The following TMEM232 variants were observed in gnomAD, a reference collection of about 807,000 sequenced individuals.
TMEM232 encodes the protein transmembrane protein 232.
In TMEM232, 80 loss-of-function variants were observed where a neutral mutation model predicts 78.8. The ratio of observed to expected loss-of-function variants is 1.01; its 90% CI spans 0.85 to 1.22. The LOEUF is 1.22. Ranked by LOEUF, TMEM232 falls within the 50% of genes most tolerant of loss-of-function variation. The probability of loss-of-function intolerance (pLI) is 0.00; values close to 1 mark genes in which losing one functional copy is unlikely to be tolerated. For missense variants in TMEM232, 881 were observed against 742.2 expected, an observed-to-expected ratio of 1.19 and a Z score of -2.17; for synonymous variants, 297 against 254.3, an observed-to-expected ratio of 1.17 and a Z score of -1.60.
intron 6 of TMEM232, among the ~76,000 whole-genome samples, chr5:110,626,365 A>T (rs1784423816): frequency 6.6e-6 from 1 of 152,068 alleles, no homozygotes; most frequent in East Asian, 1.9e-4. Flanking sequence ...ATATAAAAAC[A>T]AGTGAAATGT....
intron 12 of TMEM232, among the ~76,000 whole-genome samples, chr5:110,437,419 C>T (rs1758560617): frequency 6.6e-6 from 1 of 151,618 alleles, no homozygotes; most frequent in South Asian, 2.1e-4. Context: ...TTATGAAAGG[C>T]TATAAAGAAA....
chr5:110,567,060 T>C (rs969473694), intron 11 of TMEM232, among the ~76,000 whole-genome samples: 5 of 151,682 alleles, frequency 3.3e-5, no homozygotes, highest in African/African-American at 1.2e-4. Context: ...TGAGACTTAT[T>C]TACTATTATG....
At chr5:110,630,967 CT>C (rs1467283601) in intron 5 of TMEM232, among the ~76,000 whole-genome samples, 1 of 152,068 alleles carries the variant, frequency 6.6e-6, no homozygotes, top group African/African-American at 2.4e-5. Flanking sequence ...AGAACTTATG[CT>C]GGTTCACTCA....
chr5:110,499,175 CAT>C (rs1475695319), intron 12 of TMEM232, among the ~76,000 whole-genome samples: 1 of 152,068 alleles, frequency 6.6e-6, no homozygotes, highest in African/African-American at 2.4e-5. Context: ...AGATGCAACA[CAT>C]AGGAAAAAAG....
intron 2 of TMEM232, among the ~76,000 whole-genome samples, chr5:110,414,228 T>G (rs1216983057): frequency 6.6e-6 from 1 of 152,220 alleles, no homozygotes; most frequent in African/African-American, 2.4e-5. Flanking sequence ...TATCATATTT[T>G]TATTTTTTGC....
chr5:110,499,635 C>CCCCCCA (rs376076876), intron 12 of TMEM232, among the ~76,000 whole-genome samples: 9 of 143,514 alleles, frequency 6.3e-5, no homozygotes, highest in African/African-American at 2.6e-4. Flanking sequence ...ACACCCCCCC[C>CCCCCCA]CACACACACA....
intron 11 of TMEM232, among the ~76,000 whole-genome samples, chr5:110,563,109 T>A (rs1224869278): frequency 6.6e-6 from 1 of 151,986 alleles, no homozygotes; most frequent in Non-Finnish European, 1.5e-5. Context: ...TCCGCCTTCA[T>A]TTAATATTTA....
In TMEM232 at chr5:110,550,288, G is replaced by C. The variant is rs76795862; in HGVS notation, c.1455+18159C>G. Among the ~76,000 whole-genome samples the C allele has an allele frequency of 5.6e-3, 846 of 152,198 alleles. 8 individuals are homozygous for C. The highest frequency in any genetic ancestry group is 0.019 in the African/African-American group (800 of 41,548). On this transcript the variant is annotated intron_variant, in intron 11 of 13. Transcript: ENST00000455884. ...AGTTCTTGTTAAACTTGGAAAAATT[G>C]AGTTTTAATTTATGGGAGGTATTTC...
At chr5:110,479,064 T>C (rs1763574160) in intron 12 of TMEM232, among the ~76,000 whole-genome samples, 1 of 151,658 alleles carries the variant, frequency 6.6e-6, no homozygotes, top group African/African-American at 2.4e-5. Context: ...TGTTGGCTGC[T>C]TCTAATATAC....
intron 11 of TMEM232, among the ~76,000 whole-genome samples, chr5:110,559,220 C>T (rs1284454549): frequency 6.6e-6 from 1 of 152,012 alleles, no homozygotes; most frequent in South Asian, 2.1e-4. Flanking sequence ...AAACCTAATC[C>T]TAATCTTAAC....
At position 110,625,453 on chromosome 5, in the gene TMEM232, C is replaced by T; in HGVS notation, c.602-20G>A. Reference sequence around the variant, plus strand: ...AAAGTGCTATTGTAAGAAAAATCATCTGTGAGAAATAATTTATTAATATTT... The same window carrying T: ...AAAGTGCTATTGTAAGAAAAATCATTTGTGAGAAATAATTTATTAATATTT... On this transcript the variant is annotated intron_variant, in intron 6 of 13. Coordinates refer to ENST00000455884, the MANE Select transcript of TMEM232 (RefSeq NM_001039763.4). 6.7e-7 allele frequency: 1 copy of T among 1,489,084 alleles called. No individual in the cohort carries two copies. The highest frequency in any genetic ancestry group is 8.9e-7 in the Non-Finnish European group (1 of 1,117,556). The allele number at this position is 1,489,084 out of a possible 1,614,324, so 92.2% of individuals were successfully genotyped here.
intron 11 of TMEM232, among the ~76,000 whole-genome samples, chr5:110,540,932 C>A (rs1773026119): frequency 6.6e-6 from 1 of 152,166 alleles, no homozygotes; most frequent in Non-Finnish European, 1.5e-5. Flanking sequence ...AAGGCCATAG[C>A]TATAATTCAT....
intron 2 of TMEM232, among the ~76,000 whole-genome samples, chr5:110,413,270 A>G (rs1756064582): frequency 6.6e-6 from 1 of 152,102 alleles, no homozygotes; most frequent in Non-Finnish European, 1.5e-5. Flanking sequence ...GCCCTTGAAC[A>G]TTGGACTCCA....
At chr5:110,516,064 C>A (rs1274989374) in intron 12 of TMEM232, among the ~76,000 whole-genome samples, 2 of 152,112 alleles carry the variant, frequency 1.3e-5, no homozygotes, top group Non-Finnish European at 2.9e-5. Context: ...ACGGTGAAAC[C>A]CAGTCCCTAC....
At chr5:110,650,975 A>C (rs1359348784) in intron 2 of TMEM232, among the ~76,000 whole-genome samples, 1 of 152,174 alleles carries the variant, frequency 6.6e-6, no homozygotes, top group Non-Finnish European at 1.5e-5. Context: ...AATGTATTTT[A>C]CAAAAATAAA....
chr5:110,730,431 G>C (rs1193233621), upstream of TMEM232, among the ~76,000 whole-genome samples: 1 of 152,024 alleles, frequency 6.6e-6, no homozygotes, highest in East Asian at 1.9e-4. Flanking sequence ...GTTTAGTTTT[G>C]CCATGGAGTG....
At chr5:110,565,155 T>C (rs961335326) in intron 11 of TMEM232, among the ~76,000 whole-genome samples, 3 of 152,010 alleles carry the variant, frequency 2.0e-5, no homozygotes, top group Non-Finnish European at 2.9e-5. Flanking sequence ...TCTCCTCTTA[T>C]AGTTCTAACA....
At chr5:110,619,431 C>G (rs1241773796) in intron 7 of TMEM232, among the ~76,000 whole-genome samples, 1 of 152,054 alleles carries the variant, frequency 6.6e-6, no homozygotes, top group East Asian at 1.9e-4. Flanking sequence ...AGTTAAGTCC[C>G]ATAGTTGTGT....
At chr5:110,675,265 G>A (rs1279039944) in intron 1 of TMEM232, among the ~76,000 whole-genome samples, 3 of 151,776 alleles carry the variant, frequency 2.0e-5, no homozygotes, top group Non-Finnish European at 4.4e-5. Flanking sequence ...GGCTGGTCTC[G>A]ACCTCTTGAC....
Sources: allele counts gnomAD v4.1 joint callset (sites outside exome capture counted in the v4.1 genomes callset), GRCh38; gene constraint gnomAD v4.1.1; transcripts MANE v1.5; gene names NCBI Gene and HGNC (gene_info 2026-07-23, HGNC 2026-07-21).